SWT1: variants seen among roughly 807,000 people sequenced by gnomAD.
SWT1 encodes the protein transcriptional protein SWT1.
A neutral mutation model predicts 107.3 loss-of-function variants in SWT1; 33 were observed. That is an observed-to-expected ratio of 0.31 (90% confidence interval 0.23 to 0.41). The LOEUF (loss-of-function observed/expected upper bound fraction) is 0.41. Ranked by LOEUF, SWT1 falls within the 10% of genes least tolerant of loss-of-function variation. The pLI is 1.00. For synonymous variants in SWT1, 345 were observed against 348.3 expected (o/e 0.99, Z 0.11); for missense variants, 898 against 1,028.9 (o/e 0.87, Z 1.74).
intron 18 of SWT1, among the ~76,000 whole-genome samples, chr1:185,282,681 G>A (rs970616881): frequency 2.0e-5 from 3 of 152,044 alleles, no homozygotes; most frequent in African/African-American, 7.3e-5. Flanking sequence ...TCTGAAGTGG[G>A]GGGCAGTCTT....
intron 13 of SWT1, among the ~76,000 whole-genome samples, chr1:185,213,616 T>C (rs1248350457): frequency 6.6e-6 from 1 of 152,198 alleles, no homozygotes; most frequent in Non-Finnish European, 1.5e-5. Context: ...TATTTCAGAA[T>C]ACAATAGAGT....
chr1:185,240,898 A>G (rs532297263), intron 16 of SWT1, among the ~76,000 whole-genome samples: 1 of 152,092 alleles, frequency 6.6e-6, no homozygotes, highest in Non-Finnish European at 1.5e-5. Context: ...AACAGACCAT[A>G]TATGGTATAT....
chr1:185,200,348 G>C (rs544971346), intron 10 of SWT1, among the ~76,000 whole-genome samples: 89 of 152,160 alleles, frequency 5.8e-4, no homozygotes, highest in Middle Eastern at 3.4e-3. Context: ...GGAATTTTCA[G>C]CCTTTTTGAG....
rs538382490 is a variant in SWT1 at position 185,247,181 on chromosome 1, C to T, written c.2441+15473C>T. The stretch of plus-strand genomic sequence containing the variant: ...ACCAGACATATGTAAAATGCAGTGC[C>T]TTGAAGAACATTGAAAGCCAATAAA... On this transcript the variant is annotated intron_variant, in intron 16 of 18. Coordinates refer to ENST00000367500, the MANE Select transcript of SWT1 (RefSeq NM_017673.7). Among the ~76,000 whole-genome samples the T allele has an allele frequency of 2.0e-3, 312 of 152,214 alleles. 2 individuals are homozygous for T. The highest frequency in any genetic ancestry group is 7.2e-3 in the African/African-American group (300 of 41,542).
chr1:185,235,452 A>T lies in SWT1; in HGVS notation c.2441+3744A>T, dbSNP rs550716126. Among the ~76,000 whole-genome samples, 840 of 152,314 alleles carry T rather than the reference A, an allele frequency of 5.5e-3. 34 individuals carry two copies. In the East Asian group the frequency reaches 0.093, roughly 17 times the overall value. Reference sequence around the variant, plus strand: ...TAATCCAGCATATAAACAGAGCCAAAGACAAAAACCACATGATTATCTCAA... The same window carrying T: ...TAATCCAGCATATAAACAGAGCCAATGACAAAAACCACATGATTATCTCAA... On this transcript the variant is annotated intron_variant, in intron 16 of 18. Transcript: ENST00000367500.
chr1:185,193,683 T>C (rs1657148267), intron 10 of SWT1, among the ~76,000 whole-genome samples: 3 of 152,152 alleles, frequency 2.0e-5, no homozygotes, highest in Admixed American at 2.0e-4. Context: ...GCCAGGATGA[T>C]CTTGATCTCC....
chr1:185,224,492 A>AT (rs144892990), intron 15 of SWT1, among the ~76,000 whole-genome samples: 6,155 of 151,458 alleles, frequency 0.041, 396 homozygotes, highest in African/African-American at 0.14. Flanking sequence ...GAAATTTATG[A>AT]TTTTTTTTTG....
intron 16 of SWT1, among the ~76,000 whole-genome samples, chr1:185,242,919 A>G (rs79280531): frequency 0.013 from 2,049 of 152,284 alleles, 38 homozygotes; most frequent in African/African-American, 0.047. Context: ...AAAGAAATGA[A>G]ATTAGGGAGA....
chr1:185,246,696 C>T (rs1356036461), intron 16 of SWT1, among the ~76,000 whole-genome samples: 1 of 136,316 alleles, frequency 7.3e-6, no homozygotes, highest in Non-Finnish European at 1.5e-5. Flanking sequence ...GTTGTATGAT[C>T]ATAGCTCACT....
chr1:185,213,946 C>A (rs1659020696), intron 13 of SWT1, among the ~76,000 whole-genome samples: 1 of 152,142 alleles, frequency 6.6e-6, no homozygotes, highest in Non-Finnish European at 1.5e-5. Flanking sequence ...TTGCTTCTCA[C>A]TGTTGCCCAA....
chr1:185,203,475 G>A (rs1016429797), intron 11 of SWT1, among the ~76,000 whole-genome samples: 4 of 152,032 alleles, frequency 2.6e-5, no homozygotes, highest in South Asian at 4.2e-4. Flanking sequence ...GAAAAAATTC[G>A]CCGGGCGTGG....
Position 185,174,469 on chromosome 1 carries a change from A to T in SWT1, c.322A>T (p.Asn108Tyr). 6.2e-7 allele frequency: 1 copy of T among 1,610,576 alleles called. No individual in the cohort carries two copies. The highest frequency in any genetic ancestry group is 8.5e-7 in the Non-Finnish European group (1 of 1,178,956). ...KLKEASYSND[N>Y]QIILQSPSSN... Reference sequence around the variant, plus strand: ...CAAAGAAGCATCATATTCAAATGATAATCAAATTATTTTGCAGAGTCCTTC... The same window carrying T: ...CAAAGAAGCATCATATTCAAATGATTATCAAATTATTTTGCAGAGTCCTTC... Residue 108 changes from asparagine to tyrosine, a missense_variant, in exon 5 of 19, where the codon AAT becomes TAT. Transcript: ENST00000367500.
At chr1:185,246,670 T>TCCAGG (rs973808193) in intron 16 of SWT1, among the ~76,000 whole-genome samples, 2 of 144,124 alleles carry the variant, frequency 1.4e-5, no homozygotes, top group Admixed American at 1.4e-4. Context: ...CACTTTGTCA[T>TCCAGG]CCAGGCTACG....
chr1:185,216,187 G>T (rs570614481), intron 14 of SWT1, among the ~76,000 whole-genome samples: 4 of 152,226 alleles, frequency 2.6e-5, no homozygotes, highest in East Asian at 1.9e-4. Flanking sequence ...CTTGAGGAAA[G>T]AATTTATTTA....
chr1:185,174,561 A>C lies in SWT1; in HGVS notation c.414A>C (p.Thr138=). The C allele has an allele frequency of 6.2e-7, 1 of 1,607,300 alleles. No homozygotes were observed. Among genetic ancestry groups the C allele is most frequent in the Non-Finnish European group, 8.5e-7 (1 of 1,178,222 alleles). Residue 138 remains threonine, a synonymous_variant, in exon 5 of 19, where the codon ACA becomes ACC. Transcript: ENST00000367500. ...VDFKPKDIKL[T]NAGSKLDHGI... is the part of the protein sequence containing the mutation. ...TTAAACCTAAAGATATCAAATTGAC[A>C]AATGCTGGGAGCAAGCTTGACCATG...
At chr1:185,167,948 T>C (rs1003514134) in intron 3 of SWT1, among the ~76,000 whole-genome samples, 2 of 152,248 alleles carry the variant, frequency 1.3e-5, no homozygotes, top group African/African-American at 4.8e-5. Context: ...TATTTGTACA[T>C]GTTCTACTTC....
intron 9 of SWT1, among the ~76,000 whole-genome samples, chr1:185,190,243 C>G (rs1367095708): frequency 1.3e-5 from 2 of 152,154 alleles, no homozygotes; most frequent in South Asian, 4.1e-4. Flanking sequence ...TTCCTGCCCC[C>G]ACACAAGCAT....
chr1:185,228,200 T>TATATATATATATATATATATATACAC (rs1235462995), intron 15 of SWT1, among the ~76,000 whole-genome samples: 5 of 144,958 alleles, frequency 3.4e-5, no homozygotes, highest in African/African-American at 1.1e-4. Flanking sequence ...CATATATATA[T>TATATATATATATATATATATATACAC]ACTCAGTATG....
intron 16 of SWT1, among the ~76,000 whole-genome samples, chr1:185,251,906 C>T (rs1386551845): frequency 6.6e-6 from 1 of 151,970 alleles, no homozygotes; most frequent in African/African-American, 2.4e-5. Context: ...AACTCGTCAT[C>T]TAGCATTAGG....
Sources: gnomAD v4.1 joint callset for allele counts (sites outside exome capture counted in the v4.1 genomes callset) on GRCh38, gnomAD v4.1.1 for gene constraint, MANE v1.5 for transcripts, NCBI Gene and HGNC (gene_info 2026-07-23, HGNC 2026-07-21) for gene names.